The following PCCA variants were observed in gnomAD, a reference collection of about 807,000 sequenced individuals.
PCCA encodes propionyl-CoA carboxylase subunit alpha, also known as propionyl-CoA carboxylase alpha chain, mitochondrial.
PCCA carries 74 observed loss-of-function variants against 101.3 expected under a neutral mutation model. The observed-to-expected ratio is 0.73, with a 90% CI of 0.61 to 0.89. The LOEUF (loss-of-function observed/expected upper bound fraction) is 0.89, where lower values mean the gene tolerates loss of function less well. Ranked by LOEUF, PCCA falls within the 40% of genes least tolerant of loss-of-function variation. The probability of loss-of-function intolerance (pLI) is 0.00; values close to 1 mark genes in which losing one functional copy is unlikely to be tolerated. For missense variants in PCCA, 891 were observed against 907.0 expected (o/e 0.98, Z 0.23); for synonymous variants, 294 against 313.6 (o/e 0.94, Z 0.66).
In PCCA at chr13:100,368,466, C is replaced by G. The variant is rs2075359209; in HGVS notation, c.1644-6C>G. On this transcript the variant is annotated splice_region_variant and splice_polypyrimidine_tract_variant and intron_variant, in intron 18 of 23. Transcript: ENST00000376285. ...ATTAACTCTTTTTCTTTTCATTCTA[C>G]TTCAGAATGCCTGTTATTAAACCAG... 2 of 1,465,852 alleles carry G rather than the reference C, an allele frequency of 1.4e-6. No individual in the cohort carries two copies. Among genetic ancestry groups the G allele is most frequent in the East Asian group, 4.5e-5 (2 of 43,960 alleles). 90.8% of individuals were successfully genotyped at this position (1,465,852 alleles called of 1,614,324 possible).
intron 4 of PCCA, among the ~76,000 whole-genome samples, chr13:100,129,657 T>G (rs1311053992): frequency 6.6e-6 from 1 of 152,164 alleles, no homozygotes; most frequent in East Asian, 1.9e-4. Flanking sequence ...CAGCAGCTTG[T>G]TCAGATTTTG....
At chr13:100,267,787 A>C (rs1252750172) in intron 10 of PCCA, among the ~76,000 whole-genome samples, 1 of 152,216 alleles carries the variant, frequency 6.6e-6, no homozygotes, top group African/African-American at 2.4e-5. Flanking sequence ...TGAATTTCAG[A>C]TTAACAATGA....
intron 21 of PCCA, among the ~76,000 whole-genome samples, chr13:100,455,092 A>C (rs2081609578): frequency 6.6e-6 from 1 of 152,192 alleles, no homozygotes; most frequent in African/African-American, 2.4e-5. Flanking sequence ...GGGAGGATCA[A>C]ATACATCAAA....
At chr13:100,204,569 A>G (rs1594719220) in intron 6 of PCCA, among the ~76,000 whole-genome samples, 1 of 152,226 alleles carries the variant, frequency 6.6e-6, no homozygotes, top group Non-Finnish European at 1.5e-5. Flanking sequence ...TGGTATTTCT[A>G]AGAATGAAAT....
chr13:100,210,177 C>T (rs576227648), intron 7 of PCCA, among the ~76,000 whole-genome samples: 1 of 152,008 alleles, frequency 6.6e-6, no homozygotes, highest in African/African-American at 2.4e-5. Flanking sequence ...AGGGTCTCAC[C>T]GTGTTGCCCA....
At chr13:100,323,454 A>G (rs758745573) in intron 16 of PCCA, among the ~76,000 whole-genome samples, 3 of 152,034 alleles carry the variant, frequency 2.0e-5, no homozygotes, top group Non-Finnish European at 4.4e-5. Context: ...AGTAGCTGGG[A>G]TTACAGGCGC....
chr13:100,330,163 C>A (rs897591099), intron 16 of PCCA, among the ~76,000 whole-genome samples: 2 of 152,140 alleles, frequency 1.3e-5, no homozygotes, highest in Non-Finnish European at 2.9e-5. Flanking sequence ...TCGTCAAATC[C>A]CGAAGCATGG....
intron 19 of PCCA, among the ~76,000 whole-genome samples, chr13:100,401,063 C>T (rs972462221): frequency 6.6e-6 from 1 of 152,012 alleles, no homozygotes; most frequent in African/African-American, 2.4e-5. Context: ...GGAAGAGAAA[C>T]CAAGATCATA....
chr13:100,375,296 C>T (rs967398948), intron 19 of PCCA, among the ~76,000 whole-genome samples: 2 of 152,046 alleles, frequency 1.3e-5, no homozygotes, highest in African/African-American at 4.8e-5. Context: ...ATTAGGTGGT[C>T]AATTTTTGAA....
chr13:100,123,922 A>G (rs1189785233), intron 4 of PCCA, among the ~76,000 whole-genome samples: 1 of 152,154 alleles, frequency 6.6e-6, no homozygotes, highest in East Asian at 1.9e-4. Context: ...CAGAGAAGAT[A>G]AGAAATATAA....
intron 6 of PCCA, among the ~76,000 whole-genome samples, chr13:100,163,198 T>C (rs1362088216): frequency 1.3e-5 from 2 of 152,172 alleles, no homozygotes; most frequent in Admixed American, 1.3e-4. Flanking sequence ...TGGGATTTGA[T>C]GAGGCTGGGA....
At chr13:100,157,094 A>G (rs1023652874) in intron 5 of PCCA, among the ~76,000 whole-genome samples, 193 bp from the exon 6 acceptor site, 1 of 152,236 alleles carries the variant, frequency 6.6e-6, no homozygotes, top group African/African-American at 2.4e-5. Flanking sequence ...GAAAGTAAAT[A>G]TAAGAGGCAG....
chr13:100,311,150 T>C (rs1020833019), intron 16 of PCCA, among the ~76,000 whole-genome samples: 1 of 151,710 alleles, frequency 6.6e-6, no homozygotes, highest in African/African-American at 2.4e-5. Context: ...AGAAAATTGC[T>C]TGAACCCGGG....
chr13:100,280,039 G>A (rs1163288068), intron 12 of PCCA, among the ~76,000 whole-genome samples: 2 of 144,942 alleles, frequency 1.4e-5, no homozygotes, highest in African/African-American at 2.5e-5. Context: ...TAACAGAAAT[G>A]CATCTTCACT....
chr13:100,381,784 C>T (rs2076242627), intron 19 of PCCA, among the ~76,000 whole-genome samples: 1 of 152,210 alleles, frequency 6.6e-6, no homozygotes, highest in African/African-American at 2.4e-5. Flanking sequence ...TGGAACTGAC[C>T]AGCCGTTTTG....
At chr13:100,148,467 T>A (rs2052869395) in intron 4 of PCCA, among the ~76,000 whole-genome samples, 1 of 143,322 alleles carries the variant, frequency 7.0e-6, no homozygotes, top group African/African-American at 2.5e-5. Context: ...GTCCTTTCAT[T>A]TGTGGTCTGG....
intron 16 of PCCA, among the ~76,000 whole-genome samples, chr13:100,325,049 C>CCAT (rs2068502644): frequency 6.6e-6 from 1 of 152,068 alleles, no homozygotes; most frequent in African/African-American, 2.4e-5. Context: ...TTGAGGTCTG[C>CCAT]AGATGTAGTT....
At chr13:100,372,068 C>A (rs916870571) in intron 19 of PCCA, among the ~76,000 whole-genome samples, 1 of 152,144 alleles carries the variant, frequency 6.6e-6, no homozygotes, top group African/African-American at 2.4e-5. Context: ...GGGAAGGCTG[C>A]GCACAGTGGC....
intron 20 of PCCA, among the ~76,000 whole-genome samples, chr13:100,426,036 T>G (rs1595862020): frequency 1.3e-5 from 2 of 152,156 alleles, no homozygotes; most frequent in Non-Finnish European, 2.9e-5. Context: ...CTCTGTGGGT[T>G]TTTAGTTGTA....
Sources: allele counts gnomAD v4.1 joint callset (sites outside exome capture counted in the v4.1 genomes callset), GRCh38; gene constraint gnomAD v4.1.1; transcripts MANE v1.5; gene names NCBI Gene and HGNC (gene_info 2026-07-23, HGNC 2026-07-21).